Variants in CBX5 observed in about 807,000 individuals in gnomAD.
The protein encoded by CBX5 is chromobox 5.
In CBX5, 7 loss-of-function variants were observed where a neutral mutation model predicts 20.7. The observed-to-expected ratio is 0.34, with a 90% CI of 0.19 to 0.63. CBX5 has a LOEUF of 0.63. Ranked by LOEUF, CBX5 falls within the 30% of genes least tolerant of loss-of-function variation. The probability of loss-of-function intolerance (pLI) is 0.75; values close to 1 mark genes in which losing one functional copy is unlikely to be tolerated. For synonymous variants in CBX5, 78 were observed against 77.0 expected (o/e 1.01, Z -0.07); for missense variants, 110 against 224.1 (o/e 0.49, Z 3.25).
chr12:54,242,905 G>A (rs893599298), intron 4 of CBX5, among the ~76,000 whole-genome samples: 21 of 150,180 alleles, frequency 1.4e-4, no homozygotes, highest in African/African-American at 4.2e-4. Flanking sequence ...CAGGTGGATC[G>A]CTTGAGCCTA....
intron 3 of CBX5, among the ~76,000 whole-genome samples, chr12:54,247,192 T>G (rs1434651936): frequency 2.0e-5 from 3 of 152,184 alleles, no homozygotes; most frequent in Admixed American, 2.0e-4. Flanking sequence ...TGTAGATGAC[T>G]GTTAGCATTA....
intron 4 of CBX5, among the ~76,000 whole-genome samples, chr12:54,242,766 C>CA (rs543449867): frequency 6.6e-5 from 10 of 150,814 alleles, no homozygotes; most frequent in East Asian, 1.9e-4. Flanking sequence ...CCAAGTATAA[C>CA]AAAAAAAAAT....
chr12:54,257,078 AAACTCC>A (rs148093125), intron 2 of CBX5, among the ~76,000 whole-genome samples: 26,143 of 151,950 alleles, frequency 0.17, 2,452 homozygotes, highest in South Asian at 0.32. Context: ...GGCTGGTCTC[AAACTCC>A]TGACCTCAGG....
rs1413829518 is a variant in CBX5 at position 54,235,644 on chromosome 12, T to C, written c.*6111A>G. On this transcript the variant is annotated 3_prime_UTR_variant, in exon 5 of 5. Transcript: ENST00000209875. ...AAAAGAAATCACCCTCTCTCCAGTA[T>C]TGAATAAAACTGCACTGCTCAGAGT... The C allele has an allele frequency of 6.6e-6, 1 of 152,166 alleles. No homozygotes were observed. The highest frequency in any genetic ancestry group is 6.5e-5 in the Admixed American group (1 of 15,280). 9.4% of individuals were successfully genotyped at this position (152,166 alleles called of 1,614,324 possible).
chr12:54,238,873 T>C lies in CBX5; in HGVS notation c.*2882A>G, dbSNP rs1943649119. 6.6e-6 allele frequency: 1 copy of C among 152,170 alleles called. No homozygotes were observed. The highest frequency in any genetic ancestry group is 1.5e-5 in the Non-Finnish European group (1 of 68,024). The allele number at this position is 152,170 out of a possible 1,614,324, so 9.4% of individuals were successfully genotyped here. A position where few individuals can be genotyped will look rare whatever the true frequency, so the allele number is the denominator to read the frequency against. Reference sequence around the variant, plus strand: ...GAAAGAGGACTAAACACAAGAAAAATAAATTTTTAGCATTTGAGACTTAGG... The same window carrying C: ...GAAAGAGGACTAAACACAAGAAAAACAAATTTTTAGCATTTGAGACTTAGG... On this transcript the variant is annotated 3_prime_UTR_variant, in exon 5 of 5. Transcript: ENST00000209875.
Position 54,235,272 on chromosome 12 carries a change from A to AAATACCT in CBX5, c.*6482_*6483insAGGTATT, listed in dbSNP as rs1943607671. On this transcript the variant is annotated 3_prime_UTR_variant, in exon 5 of 5. Transcript: ENST00000209875. ...GACTCAGATTTAATATACAAGGTAT[A>AAATACCT]TGTATTTCTGGCAAAGGTTTCCACA... 1 of 152,240 alleles carries AAATACCT rather than the reference A, an allele frequency of 6.6e-6. No homozygotes were observed. The highest frequency in any genetic ancestry group is 1.5e-5 in the Non-Finnish European group (1 of 68,044). The allele number at this position is 152,240 out of a possible 1,614,324, so 9.4% of individuals were successfully genotyped here.
intron 1 of CBX5, among the ~76,000 whole-genome samples, chr12:54,264,559 C>T (rs1460389705): frequency 1.3e-5 from 2 of 152,128 alleles, no homozygotes; most frequent in African/African-American, 4.8e-5. Context: ...AGAATGAAAG[C>T]CAGCCGGGCG....
rs1385755622 is a variant in CBX5, at chr12:54,234,753, A to T, written c.*7002T>A. ...CTTCTCTTACTGACCTCAGAAACAA[A>T]TAGCATTGGAGGATCACTTTCTTCC... On this transcript the variant is annotated 3_prime_UTR_variant, in exon 5 of 5. Transcript: ENST00000209875. The T allele has an allele frequency of 6.6e-6, 1 of 152,240 alleles. No homozygotes were observed. Among genetic ancestry groups the T allele is most frequent in the Admixed American group, 6.5e-5 (1 of 15,280 alleles). 9.4% of individuals were successfully genotyped at this position (152,240 alleles called of 1,614,324 possible).
At chr12:54,250,762 G>A (rs1419034428) in intron 3 of CBX5, among the ~76,000 whole-genome samples, 4 of 111,082 alleles carry the variant, frequency 3.6e-5, no homozygotes, top group Non-Finnish European at 6.7e-5. Flanking sequence ...CCGAGATTGC[G>A]CCACTGCAGT....
intron 1 of CBX5, among the ~76,000 whole-genome samples, chr12:54,267,961 T>C (rs1020955978): frequency 1.3e-5 from 2 of 152,170 alleles, no homozygotes; most frequent in Non-Finnish European, 2.9e-5. Flanking sequence ...CTGGCCAACA[T>C]GGCGAAACCC....
chr12:54,266,493 G>A (rs535477240), intron 1 of CBX5, among the ~76,000 whole-genome samples: 1 of 152,316 alleles, frequency 6.6e-6, no homozygotes, highest in Non-Finnish European at 1.5e-5. Context: ...GGAGGTTGAG[G>A]CAGGAGGACA....
chr12:54,247,250 A>T (rs530008094), intron 3 of CBX5, among the ~76,000 whole-genome samples: 2 of 111,182 alleles, frequency 1.8e-5, no homozygotes, highest in Non-Finnish European at 3.5e-5. Context: ...ACAAAAAAGA[A>T]AACAAAAACA....
intron 2 of CBX5, among the ~76,000 whole-genome samples, chr12:54,254,664 C>T (rs572272684): frequency 8.5e-5 from 13 of 152,096 alleles, no homozygotes; most frequent in African/African-American, 2.9e-4. Context: ...ACCATCCTGG[C>T]CAACACAGTG....
At chr12:54,256,346 C>T (rs1048918240) in intron 2 of CBX5, among the ~76,000 whole-genome samples, 1 of 152,170 alleles carries the variant, frequency 6.6e-6, no homozygotes, top group African/African-American at 2.4e-5. Flanking sequence ...CCCATACTTG[C>T]ACTCTGGGTG....
At chr12:54,246,018 G>A (rs1943731973) in intron 4 of CBX5, 97 bp downstream of exon 4, 2 of 815,636 alleles carry the variant, frequency 2.5e-6, no homozygotes, top group South Asian at 2.8e-5. Flanking sequence ...CAAAATTCAT[G>A]GTTTGGGAAT....
chr12:54,270,593 T>C (rs887609298), intron 1 of CBX5, among the ~76,000 whole-genome samples: 1 of 152,226 alleles, frequency 6.6e-6, no homozygotes, highest in African/African-American at 2.4e-5. Flanking sequence ...AGTTTTGATA[T>C]ATCATCTTTT....
At chr12:54,253,727 CAAAAAAAA>C (rs58403125) in intron 2 of CBX5, among the ~76,000 whole-genome samples, 3 of 70,882 alleles carry the variant, frequency 4.2e-5, no homozygotes, top group South Asian at 1.1e-3. Context: ...GATACCATCT[CAAAAAAAA>C]AAAAAAAAAA....
chr12:54,267,351 T>C (rs540150492), intron 1 of CBX5, among the ~76,000 whole-genome samples: 1 of 152,334 alleles, frequency 6.6e-6, no homozygotes, highest in African/African-American at 2.4e-5. Flanking sequence ...ATAAAGCATT[T>C]TCCAAACGTC....
rs141112080 is a variant in CBX5, at chr12:54,236,779, T to G, written c.*4976A>C. On this transcript the variant is annotated 3_prime_UTR_variant, in exon 5 of 5. Transcript: ENST00000209875. ...AAGTAGTATTTTATGCCCTCAAAAC[T>G]GAACCTTAAGGTAGAGACAATTGCT... 3 of 152,288 alleles carry G rather than the reference T, an allele frequency of 2.0e-5. No homozygotes were observed. The East Asian group carries it at 5.8e-4, about 29-fold the overall frequency. The allele number at this position is 152,288 out of a possible 1,614,324, so 9.4% of individuals were successfully genotyped here. A position where few individuals can be genotyped will look rare whatever the true frequency, so the allele number is the denominator to read the frequency against.
Sources: gnomAD v4.1 joint callset for allele counts (sites outside exome capture counted in the v4.1 genomes callset) on GRCh38, gnomAD v4.1.1 for gene constraint, MANE v1.5 for transcripts, NCBI Gene and HGNC (gene_info 2026-07-23, HGNC 2026-07-21) for gene names.